PIP4K2A: variants seen among roughly 807,000 people sequenced by gnomAD.
PIP4K2A encodes the protein phosphatidylinositol-5-phosphate 4-kinase type 2 alpha.
A neutral mutation model predicts 42.9 loss-of-function variants in PIP4K2A; 14 were observed. The observed-to-expected ratio is 0.33, with a 90% CI of 0.22 to 0.51. PIP4K2A has a LOEUF of 0.51. PIP4K2A is among the 20% of genes least tolerant of loss of function. The pLI is 0.97. For missense variants in PIP4K2A, 434 were observed against 519.8 expected, an observed-to-expected ratio of 0.83 and a Z score of 1.61; for synonymous variants, 192 against 192.2, an observed-to-expected ratio of 1.00 and a Z score of 0.01.
chr10:22,603,530 C>T (rs1837841867), intron 3 of PIP4K2A, among the ~76,000 whole-genome samples: 2 of 152,002 alleles, frequency 1.3e-5, no homozygotes, highest in East Asian at 1.9e-4. Context: ...AAGAACATTA[C>T]AAATCAAGAT....
intron 1 of PIP4K2A, among the ~76,000 whole-genome samples, chr10:22,620,963 A>G (rs1838316232): frequency 6.6e-6 from 1 of 152,262 alleles, no homozygotes; most frequent in Admixed American, 6.5e-5. Flanking sequence ...CCACAGCTCC[A>G]ATATTCTAAT....
intron 1 of PIP4K2A, among the ~76,000 whole-genome samples, chr10:22,625,461 G>A (rs1345710020): frequency 3.9e-5 from 6 of 151,968 alleles, no homozygotes; most frequent in African/African-American, 1.5e-4. Context: ...CATGTTATTC[G>A]TATGCCCTGA....
At chr10:22,647,458 C>T (rs1228185314) in intron 1 of PIP4K2A, among the ~76,000 whole-genome samples, 1 of 151,746 alleles carries the variant, frequency 6.6e-6, no homozygotes, top group East Asian at 1.9e-4. Context: ...GTGAAAGGAC[C>T]GAGGTGGAGA....
chr10:22,550,998 G>T (rs1926422), intron 6 of PIP4K2A, among the ~76,000 whole-genome samples: 2 of 152,196 alleles, frequency 1.3e-5, no homozygotes, highest in African/African-American at 4.8e-5. Context: ...CAGTGGGGTG[G>T]GGGTCAGACA....
At chr10:22,596,459 A>C (rs1459740112) in intron 3 of PIP4K2A, among the ~76,000 whole-genome samples, 1 of 152,206 alleles carries the variant, frequency 6.6e-6, no homozygotes, top group Non-Finnish European at 1.5e-5. Context: ...CGTCAGCTAG[A>C]ACGAGCACAT....
intron 1 of PIP4K2A, among the ~76,000 whole-genome samples, chr10:22,671,729 T>C (rs2130860559): frequency 7.1e-6 from 1 of 141,364 alleles, no homozygotes; most frequent in African/African-American, 2.9e-5. Flanking sequence ...CTGAATTTTC[T>C]GATTTACTTG....
chr10:22,682,821 T>C (rs1564466232), intron 1 of PIP4K2A, among the ~76,000 whole-genome samples: 1 of 152,166 alleles, frequency 6.6e-6, no homozygotes, highest in Non-Finnish European at 1.5e-5. Flanking sequence ...CATTAACCCT[T>C]GCTGGGAACA....
intron 2 of PIP4K2A, among the ~76,000 whole-genome samples, chr10:22,608,578 T>C (rs1049936131): frequency 6.6e-6 from 1 of 152,166 alleles, no homozygotes; most frequent in Admixed American, 6.5e-5. Context: ...AGAAATTTCA[T>C]AATTGGCCTG....
chr10:22,664,142 C>CATATATATACATAT (rs1839285422), intron 1 of PIP4K2A, among the ~76,000 whole-genome samples: 1 of 27,960 alleles, frequency 3.6e-5, no homozygotes, highest in African/African-American at 3.4e-4. Context: ...TATATATATA[C>CATATATATACATAT]ATATATATAC....
intron 1 of PIP4K2A, among the ~76,000 whole-genome samples, chr10:22,611,610 G>T (rs1260722606): frequency 6.6e-6 from 1 of 152,102 alleles, no homozygotes; most frequent in African/African-American, 2.4e-5. Context: ...CAAACCCACT[G>T]AACAAAAACA....
chr10:22,669,406 C>T (rs1435546335), intron 1 of PIP4K2A, among the ~76,000 whole-genome samples: 1 of 152,092 alleles, frequency 6.6e-6, no homozygotes, highest in African/African-American at 2.4e-5. Flanking sequence ...CGCCTAACAA[C>T]ACATTTCTCA....
intron 1 of PIP4K2A, among the ~76,000 whole-genome samples, chr10:22,661,027 G>A (rs1839196101): frequency 6.6e-6 from 1 of 152,148 alleles, no homozygotes; most frequent in Non-Finnish European, 1.5e-5. Flanking sequence ...CTGGGGACAG[G>A]GAGTTATACA....
At chr10:22,581,927 C>A (rs1431257899) in intron 4 of PIP4K2A, among the ~76,000 whole-genome samples, 1 of 151,910 alleles carries the variant, frequency 6.6e-6, no homozygotes, top group Non-Finnish European at 1.5e-5. Flanking sequence ...GCCTAGGCAA[C>A]ATGAGAAGAC....
intron 6 of PIP4K2A, among the ~76,000 whole-genome samples, chr10:22,553,298 A>G (rs1284923362): frequency 6.6e-6 from 1 of 152,218 alleles, no homozygotes. Context: ...GCTGCAAGAC[A>G]GAGTGCTCAG....
At chr10:22,705,711 C>A (rs1833811268) in intron 1 of PIP4K2A, among the ~76,000 whole-genome samples, 1 of 152,038 alleles carries the variant, frequency 6.6e-6, no homozygotes. Flanking sequence ...CTCTGCATTT[C>A]TAACATGTTA....
intron 1 of PIP4K2A, among the ~76,000 whole-genome samples, chr10:22,625,809 C>T (rs1463755752): frequency 6.6e-6 from 1 of 152,168 alleles, no homozygotes; most frequent in Non-Finnish European, 1.5e-5. Flanking sequence ...TGTCAAAAAC[C>T]TTTCACATAG....
chr10:22,641,589 G>A (rs553508731), intron 1 of PIP4K2A, among the ~76,000 whole-genome samples: 2 of 151,394 alleles, frequency 1.3e-5, no homozygotes, highest in Middle Eastern at 3.4e-3. Context: ...CTACAGGTAC[G>A]TGCAACCACA....
chr10:22,692,650 T>C (rs1460553611), intron 1 of PIP4K2A, among the ~76,000 whole-genome samples: 1 of 152,118 alleles, frequency 6.6e-6, no homozygotes, highest in Non-Finnish European at 1.5e-5. Context: ...TTCAATAGAG[T>C]ACTACCATCA....
intron 1 of PIP4K2A, among the ~76,000 whole-genome samples, chr10:22,639,408 C>T (rs1332414931): frequency 7.0e-6 from 1 of 142,802 alleles, no homozygotes; most frequent in African/African-American, 2.6e-5. Flanking sequence ...AGACACAAAA[C>T]AAATATAGTT....
Sources: allele counts gnomAD v4.1 joint callset (sites outside exome capture counted in the v4.1 genomes callset), GRCh38; gene constraint gnomAD v4.1.1; transcripts MANE v1.5; gene names NCBI Gene and HGNC (gene_info 2026-07-23, HGNC 2026-07-21).